ZNRF2: variants seen among roughly 807,000 people sequenced by gnomAD.
The protein encoded by ZNRF2 is E3 ubiquitin-protein ligase ZNRF2.
In ZNRF2, 16 loss-of-function variants were observed where a neutral mutation model predicts 20.4. The ratio of observed to expected loss-of-function variants is 0.79; its 90% CI spans 0.53 to 1.19. The LOEUF is 1.19. ZNRF2 is among the 50% of genes most tolerant of loss of function. The probability of loss-of-function intolerance (pLI) is 0.00; values close to 1 mark genes in which losing one functional copy is unlikely to be tolerated. For missense variants in ZNRF2, 363 were observed against 332.4 expected (o/e 1.09, Z -0.72); for synonymous variants, 178 against 144.9 (o/e 1.23, Z -1.64).
At chr7:30,328,065 G>C (rs564519357) in intron 2 of ZNRF2, among the ~76,000 whole-genome samples, 2 of 152,266 alleles carry the variant, frequency 1.3e-5, no homozygotes, top group African/African-American at 4.8e-5. Context: ...GAGGGTTACA[G>C]AGAGGTGGCA....
intron 2 of ZNRF2, among the ~76,000 whole-genome samples, chr7:30,337,630 A>G (rs1799735908): frequency 1.3e-5 from 2 of 152,156 alleles, no homozygotes; most frequent in South Asian, 4.1e-4. Flanking sequence ...TCGTACAAAC[A>G]TGTTTGAAAA....
At chr7:30,306,288 AAGTC>A (rs1341713448) in intron 1 of ZNRF2, among the ~76,000 whole-genome samples, 6 of 152,164 alleles carry the variant, frequency 3.9e-5, no homozygotes, top group African/African-American at 9.6e-5. Flanking sequence ...TATTGAAACA[AAGTC>A]AGGAAGAATA....
chr7:30,359,086 T>C (rs925775554), intron 3 of ZNRF2, among the ~76,000 whole-genome samples: 10 of 152,318 alleles, frequency 6.6e-5, no homozygotes, highest in East Asian at 5.8e-4. Context: ...GTTATTGATA[T>C]GGAAAAACAG....
At chr7:30,314,199 A>G (rs1799331150) in intron 1 of ZNRF2, among the ~76,000 whole-genome samples, 1 of 152,164 alleles carries the variant, frequency 6.6e-6, no homozygotes, top group African/African-American at 2.4e-5. Context: ...TTATTATATT[A>G]TTTGGTTGTT....
chr7:30,289,712 T>A, intron 1 of ZNRF2: 1 of 510,808 alleles, frequency 2.0e-6, no homozygotes, highest in Non-Finnish European at 4.0e-6. Context: ...GAATTATTCT[T>A]GACTGCAAGG....
intron 1 of ZNRF2, among the ~76,000 whole-genome samples, chr7:30,318,317 T>C (rs1799409425): frequency 6.6e-6 from 1 of 152,202 alleles, no homozygotes; most frequent in Non-Finnish European, 1.5e-5. Flanking sequence ...GATATAGTGA[T>C]TGAGAGGATC....
intron 2 of ZNRF2, among the ~76,000 whole-genome samples, chr7:30,353,819 G>A (rs191487749): frequency 6.6e-6 from 1 of 152,096 alleles, no homozygotes; most frequent in African/African-American, 2.4e-5. Flanking sequence ...ATAAAAAGTG[G>A]TGGTTAACTT....
chr7:30,358,273 A>G (rs1403306622), intron 3 of ZNRF2, among the ~76,000 whole-genome samples: 2 of 152,230 alleles, frequency 1.3e-5, no homozygotes, highest in East Asian at 1.9e-4. Flanking sequence ...TTGCAACAAG[A>G]AAAAAGGAAA....
intron 3 of ZNRF2, among the ~76,000 whole-genome samples, chr7:30,358,331 T>G (rs1206084081): frequency 6.6e-6 from 1 of 152,198 alleles, no homozygotes; most frequent in Non-Finnish European, 1.5e-5. Context: ...AAAAGGACTA[T>G]AAGGCTTATA....
intron 1 of ZNRF2, among the ~76,000 whole-genome samples, chr7:30,300,148 CTT>C (rs11312967): frequency 2.0e-4 from 23 of 113,010 alleles, no homozygotes; most frequent in Admixed American, 2.8e-4. Context: ...GAATACAAGT[CTT>C]TTTTTTTTTT....
In ZNRF2 at chr7:30,285,700, G is replaced by T. The variant is rs2128053073; in HGVS notation, c.343G>T (p.Asp115Tyr). 2 of 1,470,372 alleles carry T rather than the reference G, an allele frequency of 1.4e-6. No individual in the cohort carries two copies. The highest frequency in any genetic ancestry group is 1.3e-5 in the South Asian group (1 of 76,000). 91.1% of individuals were successfully genotyped at this position (1,470,372 alleles called of 1,614,324 possible). Residue 115 changes from aspartate (D) to tyrosine (Y), a missense_variant, in exon 1 of 5, where the codon GAC becomes TAC. This residue lies in a region of ZNRF2 where 302 missense variants were observed against 231.5 expected (regional missense o/e 1.30). Coordinates refer to ENST00000323037, the MANE Select transcript of ZNRF2 (RefSeq NM_147128.4). ...CAGCAGCGGCCCGTACGGCTCGCAG[G>T]ACTCGGTGCACAGCAGCCCTGAGGA... ...NSSSGPYGSQ[D>Y]SVHSSPEDGG...
At chr7:30,360,211 C>T (rs934881981) in intron 3 of ZNRF2, among the ~76,000 whole-genome samples, 5 of 152,182 alleles carry the variant, frequency 3.3e-5, no homozygotes, top group African/African-American at 1.2e-4. Context: ...ATGCTTCTTT[C>T]ATTGAGAAAG....
At position 30,296,846 on chromosome 7, in the gene ZNRF2, T is replaced by C. The variant is rs1296230389; in HGVS notation, c.469+11020T>C. 5.9e-5 allele frequency among the ~76,000 whole-genome samples: 9 copies of C among 152,328 alleles called. No individual in the cohort carries two copies. In the East Asian group the frequency reaches 1.5e-3, roughly 26 times the overall value. On this transcript the variant is annotated intron_variant, in intron 1 of 4. Coordinates refer to ENST00000323037, the MANE Select transcript of ZNRF2 (RefSeq NM_147128.4). ...TAATATAGTTACTTTCATATAGTAA[T>C]GTATGTGTTAGGAAAGTTACTTCAT...
chr7:30,298,295 T>G, intron 1 of ZNRF2, among the ~76,000 whole-genome samples: 1 of 152,238 alleles, frequency 6.6e-6, no homozygotes, highest in Non-Finnish European at 1.5e-5. Flanking sequence ...GATGACTCGG[T>G]TTCTTCCCAC....
At chr7:30,319,400 A>G (rs1799431989) in intron 1 of ZNRF2, among the ~76,000 whole-genome samples, 2 of 152,176 alleles carry the variant, frequency 1.3e-5, no homozygotes, top group Non-Finnish European at 2.9e-5. Flanking sequence ...TCTAATGTGT[A>G]AGTAGTAGTA....
Position 30,323,750 on chromosome 7 carries a change from G to A in ZNRF2, c.565+13G>A. On this transcript the variant is annotated intron_variant, in intron 2 of 4. Transcript: ENST00000323037. ...ATAACCTATAATGGTAAGTCCAATG[G>A]TTTAAAATAATATTTTAAGTTAGAA... 1 of 1,430,032 alleles carries A rather than the reference G, an allele frequency of 7.0e-7. No homozygotes were observed. The highest frequency in any genetic ancestry group is 1.8e-4 in the Middle Eastern group (1 of 5,540). The allele number at this position is 1,430,032 out of a possible 1,614,324, so 88.6% of individuals were successfully genotyped here. A position where few individuals can be genotyped will look rare whatever the true frequency, so the allele number is the denominator to read the frequency against.
chr7:30,309,987 T>G (rs2128059854), intron 1 of ZNRF2, among the ~76,000 whole-genome samples: 1 of 152,284 alleles, frequency 6.6e-6, no homozygotes, highest in Middle Eastern at 3.4e-3. Flanking sequence ...GGTTGGTGTT[T>G]TGAAGATAGC....
intron 2 of ZNRF2, among the ~76,000 whole-genome samples, chr7:30,330,161 T>G (rs1200186070): frequency 6.6e-6 from 1 of 152,202 alleles, no homozygotes; most frequent in Non-Finnish European, 1.5e-5. Context: ...TTTATTTATA[T>G]TTAAGGAATC....
At chr7:30,295,573 G>A (rs1354250898) in intron 1 of ZNRF2, among the ~76,000 whole-genome samples, 2 of 152,120 alleles carry the variant, frequency 1.3e-5, no homozygotes, top group Non-Finnish European at 2.9e-5. Context: ...AGCCAGGTGT[G>A]GTGGTGCGTG....
Sources: allele counts gnomAD v4.1 joint callset (sites outside exome capture counted in the v4.1 genomes callset), GRCh38; gene constraint gnomAD v4.1.1; regional missense constraint gnomAD v4.1.1; transcripts MANE v1.5; gene names NCBI Gene and HGNC (gene_info 2026-07-23, HGNC 2026-07-21).